The following SHLD1 variants were observed in gnomAD, a reference collection of about 807,000 sequenced individuals.
SHLD1 encodes the protein shieldin complex subunit 1, also known as RINN1-REV7-interacting novel NHEJ regulator 3.
Under a neutral mutation model 5.5 loss-of-function variants are expected in SHLD1, and 3 were observed. The ratio of observed to expected loss-of-function variants is 0.54; its 90% CI spans 0.25 to 1.40. The LOEUF (loss-of-function observed/expected upper bound fraction) is 1.40, where lower values mean the gene tolerates loss of function less well. Ranked by LOEUF, SHLD1 falls within the 40% of genes most tolerant of loss-of-function variation. The pLI is 0.15. For synonymous variants in SHLD1, 92 were observed against 94.3 expected, an observed-to-expected ratio of 0.98 and a Z score of 0.14; for missense variants, 210 against 244.4, an observed-to-expected ratio of 0.86 and a Z score of 0.94.
At chr20:5,791,146 G>A (rs891147847) in intron 2 of SHLD1, among the ~76,000 whole-genome samples, 2 of 152,092 alleles carry the variant, frequency 1.3e-5, no homozygotes, top group African/African-American at 4.8e-5. Context: ...TTGAGCAACA[G>A]AGAAATACCT....
chr20:5,784,511 C>G (rs542269977), intron 2 of SHLD1, among the ~76,000 whole-genome samples: 1 of 151,720 alleles, frequency 6.6e-6, no homozygotes, highest in African/African-American at 2.4e-5. Flanking sequence ...AGTGCAGTGG[C>G]GCGATCTCGG....
chr20:5,758,951 G>GC (rs1984296817), intron 1 of SHLD1, among the ~76,000 whole-genome samples: 1 of 127,198 alleles, frequency 7.9e-6, no homozygotes, highest in Non-Finnish European at 1.7e-5. Context: ...TTCTTGACAA[G>GC]TTTTTTTTTT....
intron 2 of SHLD1, among the ~76,000 whole-genome samples, chr20:5,836,512 C>CTGT (rs2087791187): frequency 6.6e-6 from 1 of 152,214 alleles, no homozygotes; most frequent in Non-Finnish European, 1.5e-5. Flanking sequence ...CCACAGTGGC[C>CTGT]TCTCATCCTT....
chr20:5,854,808 A>G (rs963003297), intron 2 of SHLD1, among the ~76,000 whole-genome samples: 1 of 149,074 alleles, frequency 6.7e-6, no homozygotes, highest in African/African-American at 2.5e-5. Flanking sequence ...CTAAATCTGC[A>G]TTTTCACCTT....
chr20:5,824,494 C>T (rs2122421021), intron 2 of SHLD1, among the ~76,000 whole-genome samples: 1 of 152,314 alleles, frequency 6.6e-6, no homozygotes, highest in East Asian at 1.9e-4. Flanking sequence ...CTCTTGTTCA[C>T]TCCTGTATCT....
At chr20:5,814,884 C>T (rs1295287435) in intron 2 of SHLD1, among the ~76,000 whole-genome samples, 1 of 152,014 alleles carries the variant, frequency 6.6e-6, no homozygotes, top group Non-Finnish European at 1.5e-5. Flanking sequence ...AATTCCTGGG[C>T]TCAAGAGATC....
chr20:5,754,351 TCTTCCTGCCTC>T (rs1983940125), intron 1 of SHLD1, among the ~76,000 whole-genome samples: 2 of 152,112 alleles, frequency 1.3e-5, no homozygotes, highest in Non-Finnish European at 2.9e-5. Flanking sequence ...GCTTAAGTGA[TCTTCCTGCCTC>T]AGCCTCCCAA....
chr20:5,758,429 T>A (rs1159775774), intron 1 of SHLD1, among the ~76,000 whole-genome samples: 26 of 151,128 alleles, frequency 1.7e-4, no homozygotes, highest in South Asian at 8.4e-4. Flanking sequence ...TTTTATATTT[T>A]TTTTTTTTAG....
chr20:5,794,742 T>A (rs1333031474), intron 2 of SHLD1, among the ~76,000 whole-genome samples: 1 of 152,170 alleles, frequency 6.6e-6, no homozygotes, highest in Non-Finnish European at 1.5e-5. Flanking sequence ...AGCAAAGCCA[T>A]GTTTGTGAGA....
intron 2 of SHLD1, among the ~76,000 whole-genome samples, chr20:5,795,220 T>C (rs11906591): frequency 0.3 from 46,026 of 151,206 alleles, 6,982 homozygotes; most frequent in Middle Eastern, 0.35. Flanking sequence ...GCCTGAGGGA[T>C]AGAGTGAGAC....
Position 5,855,266 on chromosome 20 carries a change from G to A in SHLD1, c.179-7758G>A, listed in dbSNP as rs960534992. Among the ~76,000 whole-genome samples, 3 of 152,200 alleles carry A rather than the reference G, an allele frequency of 2.0e-5. No individual in the cohort carries two copies. In the East Asian group the frequency reaches 5.8e-4, roughly 29 times the overall value. ...TATTGTGGCTGGCTTATTTCACTTAGCATAATGTCCTCAGGGTTCGTTCAT... is the reference window on the plus strand; with the variant it reads ...TATTGTGGCTGGCTTATTTCACTTAACATAATGTCCTCAGGGTTCGTTCAT... On this transcript the variant is annotated intron_variant, in intron 2 of 2. Transcript: ENST00000303142. This position sits in a 1 kb window ranked among gnomAD's most constrained non-coding sequence, Gnocchi z 4.4.
In SHLD1 at chr20:5,775,923, A is replaced by ATTTTTTTTTTTTTTTTTTTT. The variant is rs533313849; in HGVS notation, c.178+2883_178+2902dup. ...TGCAGTACTGCCTGGTCAGCTCAGG[A>ATTTTTTTTTTTTTTTTTTTT]TTTTTTTTTTTTTTTTTTTTTTGAG... On this transcript the variant is annotated intron_variant, in intron 2 of 2. Coordinates refer to ENST00000303142, the MANE Select transcript of SHLD1 (RefSeq NM_152504.4). 7.2e-4 allele frequency among the ~76,000 whole-genome samples: 56 copies of ATTTTTTTTTTTTTTTTTTTT among 77,656 alleles called. 12 individuals are homozygous for ATTTTTTTTTTTTTTTTTTTT. Among genetic ancestry groups the ATTTTTTTTTTTTTTTTTTTT allele is most frequent in the African/African-American group, 1.5e-3 (25 of 16,788 alleles). The allele number at this position is 77,656 out of a possible 152,430, so 50.9% of individuals were successfully genotyped here.
intron 2 of SHLD1, among the ~76,000 whole-genome samples, chr20:5,842,457 T>C (rs2087876220): frequency 6.6e-6 from 1 of 152,254 alleles, no homozygotes; most frequent in Middle Eastern, 3.2e-3. Context: ...AATTATTTTC[T>C]TGGAACTTTG....
intron 2 of SHLD1, among the ~76,000 whole-genome samples, chr20:5,858,902 A>T (rs1466816300): frequency 1.3e-5 from 2 of 152,220 alleles, no homozygotes; most frequent in East Asian, 1.9e-4. Context: ...TAACAATTGG[A>T]TGCATGCAAA....
chr20:5,796,497 A>G (rs1482144382), intron 2 of SHLD1, among the ~76,000 whole-genome samples: 2 of 152,054 alleles, frequency 1.3e-5, no homozygotes, highest in African/African-American at 4.8e-5. Context: ...AATTCCCTAA[A>G]TTTGAATTTG....
chr20:5,853,540 A>G (rs984318147), intron 2 of SHLD1, among the ~76,000 whole-genome samples: 3 of 152,174 alleles, frequency 2.0e-5, no homozygotes, highest in Middle Eastern at 3.2e-3. Flanking sequence ...TTTTATGAAA[A>G]TAGTTACAAG....
rs571578799 is a variant in SHLD1, at chr20:5,779,953, C to T, written c.178+6910C>T. Among the ~76,000 whole-genome samples the T allele has an allele frequency of 3.4e-5, 5 of 147,462 alleles. 1 individual carries two copies. The highest frequency in any genetic ancestry group is 2.2e-4 in the South Asian group (1 of 4,618). ...TGGTCATTAGGATTCATTAACTTGG[C>T]ATAGTTTTTACAATTTCTGTTTTTT... is the stretch of plus-strand genomic sequence containing the variant. On this transcript the variant is annotated intron_variant, in intron 2 of 2. Transcript: ENST00000303142.
chr20:5,784,060 A>G (rs1050043305), intron 2 of SHLD1, among the ~76,000 whole-genome samples: 2 of 151,862 alleles, frequency 1.3e-5, no homozygotes, highest in African/African-American at 4.8e-5. Flanking sequence ...CTGAGGCAGG[A>G]GAATTGCTTG....
At chr20:5,759,706 T>A (rs1770847593) in intron 1 of SHLD1, among the ~76,000 whole-genome samples, 2 of 151,902 alleles carry the variant, frequency 1.3e-5, no homozygotes, top group South Asian at 4.2e-4. Context: ...GCTAATTTTT[T>A]TTGTTTGTTT....
Sources: gnomAD v4.1 joint callset for allele counts (sites outside exome capture counted in the v4.1 genomes callset) on GRCh38, gnomAD v4.1.1 for gene constraint, Gnocchi (gnomAD v3.1) non-coding constraint, MANE v1.5 for transcripts, NCBI Gene and HGNC (gene_info 2026-07-23, HGNC 2026-07-21) for gene names.